TBC1D4: variants seen among roughly 807,000 people sequenced by gnomAD.
TBC1D4 encodes the protein TBC1 domain family member 4, also known as TBC (Tre-2, BUB2, CDC16) domain-containing protein.
Under a neutral mutation model 142.5 loss-of-function variants are expected in TBC1D4, and 121 were observed. The observed-to-expected ratio is 0.85, with a 90% confidence interval of 0.73 to 0.99. The LOEUF (loss-of-function observed/expected upper bound fraction) is 0.99, where lower values mean the gene tolerates loss of function less well. Among genes scored for constraint, TBC1D4 ranks in the 50% least tolerant of loss-of-function variants. The pLI is 0.00. For missense variants in TBC1D4, 1,475 were observed against 1,606.6 expected, an observed-to-expected ratio of 0.92 and a Z score of 1.40; for synonymous variants, 630 against 628.2, an observed-to-expected ratio of 1.00 and a Z score of -0.04.
At chr13:75,319,545 C>A (rs141875122) in intron 12 of TBC1D4, among the ~76,000 whole-genome samples, 20 of 152,142 alleles carry the variant, frequency 1.3e-4, no homozygotes, top group Non-Finnish European at 2.9e-5. Context: ...AAGTGACCAA[C>A]GTGACAGGAA....
intron 1 of TBC1D4, among the ~76,000 whole-genome samples, chr13:75,381,423 T>C (rs1883840881): frequency 6.6e-6 from 1 of 152,232 alleles, no homozygotes; most frequent in African/African-American, 2.4e-5. Flanking sequence ...GGGTAATATA[T>C]TTGCCTATAT....
intron 17 of TBC1D4, among the ~76,000 whole-genome samples, chr13:75,297,574 G>A (rs1593873902): frequency 6.6e-6 from 1 of 152,056 alleles, no homozygotes; most frequent in Admixed American, 6.6e-5. Context: ...GCCCAACACA[G>A]TGAAACCCCA....
rs531751051 is a variant in TBC1D4, at chr13:75,415,485, C to G, written c.499-52878G>C. ...AGTACTTCAATCTCAGCATTGTTCA[C>G]TTTAATAATTTACACTCTACTTGGG... On this transcript the variant is annotated intron_variant, in intron 1 of 20. Transcript: ENST00000377636. 9.8e-5 allele frequency among the ~76,000 whole-genome samples: 15 copies of G among 152,314 alleles called. No individual in the cohort carries two copies. In the East Asian group the frequency reaches 2.3e-3, roughly 23 times the overall value.
At chr13:75,442,537 C>G (rs1376643115) in intron 1 of TBC1D4, among the ~76,000 whole-genome samples, 1 of 151,902 alleles carries the variant, frequency 6.6e-6, no homozygotes, top group Non-Finnish European at 1.5e-5. Context: ...AAAAAACATT[C>G]TGGGAGGCCG....
At chr13:75,308,155 G>C (rs1355778543) in intron 14 of TBC1D4, among the ~76,000 whole-genome samples, 1 of 152,160 alleles carries the variant, frequency 6.6e-6, no homozygotes, top group Non-Finnish European at 1.5e-5. Flanking sequence ...CCATTGGTTA[G>C]AATTTTCATA....
chr13:75,305,660 T>A (rs1269775588), intron 15 of TBC1D4, among the ~76,000 whole-genome samples: 1 of 152,232 alleles, frequency 6.6e-6, no homozygotes, highest in Non-Finnish European at 1.5e-5. Context: ...TTTGGAATTT[T>A]TATTTTACAC....
At chr13:75,307,250 C>T (rs752834749) in intron 14 of TBC1D4, among the ~76,000 whole-genome samples, 8 of 152,346 alleles carry the variant, frequency 5.3e-5, no homozygotes, top group South Asian at 4.1e-4. Flanking sequence ...GTGTGAGCCA[C>T]TGCACCCAGC....
intron 17 of TBC1D4, 127 bp downstream of exon 17, chr13:75,299,203 C>G: frequency 1.3e-6 from 2 of 1,515,280 alleles, no homozygotes; most frequent in South Asian, 2.4e-5. Context: ...AAACATGCCC[C>G]AATCTTTACC....
At chr13:75,314,209 T>C (rs999128151) in intron 12 of TBC1D4, among the ~76,000 whole-genome samples, 9 of 152,322 alleles carry the variant, frequency 5.9e-5, no homozygotes, top group African/African-American at 1.9e-4. Flanking sequence ...TTTTTAAGTT[T>C]CACAGTCTGA....
chr13:75,409,132 T>C (rs1296518212), intron 1 of TBC1D4, among the ~76,000 whole-genome samples: 1 of 152,154 alleles, frequency 6.6e-6, no homozygotes, highest in East Asian at 1.9e-4. Context: ...AGAAACCTTT[T>C]GTTTAAACTT....
intron 1 of TBC1D4, among the ~76,000 whole-genome samples, chr13:75,450,549 A>G (rs185841637): frequency 3.0e-4 from 46 of 152,326 alleles, no homozygotes; most frequent in Admixed American, 2.9e-3. Flanking sequence ...TTATAAGTGT[A>G]TAACACTGTG....
At chr13:75,289,199 C>A (rs1875007868) in intron 19 of TBC1D4, 89 bp from the exon 20 acceptor site, 2 of 1,482,756 alleles carry the variant, frequency 1.3e-6, no homozygotes, top group Non-Finnish European at 9.3e-7. Flanking sequence ...ATGTATATTT[C>A]CAAATACTTA....
chr13:75,304,900 G>C (rs1043065560), intron 15 of TBC1D4, among the ~76,000 whole-genome samples: 1 of 152,278 alleles, frequency 6.6e-6, no homozygotes, highest in East Asian at 1.9e-4. Context: ...ACAAGGTAAG[G>C]AGAGATAACA....
At chr13:75,403,728 T>C (rs944899996) in intron 1 of TBC1D4, among the ~76,000 whole-genome samples, 3 of 152,232 alleles carry the variant, frequency 2.0e-5, no homozygotes, top group African/African-American at 7.2e-5. Flanking sequence ...TTAAGTCCAA[T>C]TTCCCATCTC....
chr13:75,470,435 C>A (rs1000757564), intron 1 of TBC1D4, among the ~76,000 whole-genome samples: 11 of 152,240 alleles, frequency 7.2e-5, no homozygotes, highest in African/African-American at 2.4e-4. Flanking sequence ...ATTTAAGATA[C>A]CACCCTAGAC....
intron 1 of TBC1D4, among the ~76,000 whole-genome samples, chr13:75,406,657 T>C (rs140609886): frequency 1.3e-3 from 199 of 152,296 alleles, no homozygotes; most frequent in African/African-American, 4.6e-3. Context: ...TTCTATTTAC[T>C]AACATTTTAC....
At chr13:75,319,793 T>C (rs1191244183) in intron 12 of TBC1D4, among the ~76,000 whole-genome samples, 1 of 152,150 alleles carries the variant, frequency 6.6e-6, no homozygotes, top group Admixed American at 6.5e-5. Flanking sequence ...TGGAATAGAG[T>C]AGAAACAGGA....
intron 1 of TBC1D4, among the ~76,000 whole-genome samples, chr13:75,446,679 C>T (rs899326689): frequency 6.6e-6 from 1 of 152,198 alleles, no homozygotes; most frequent in Non-Finnish European, 1.5e-5. Context: ...TCAATTGGGA[C>T]TTGATGTGAC....
chr13:75,385,336 G>C (rs965309115), intron 1 of TBC1D4, among the ~76,000 whole-genome samples: 1 of 152,098 alleles, frequency 6.6e-6, no homozygotes, highest in African/African-American at 2.4e-5. Flanking sequence ...CACGCAAAAC[G>C]TTTGTGAAGT....
Sources: allele counts gnomAD v4.1 joint callset (sites outside exome capture counted in the v4.1 genomes callset), GRCh38; gene constraint gnomAD v4.1.1; transcripts MANE v1.5; gene names NCBI Gene and HGNC (gene_info 2026-07-23, HGNC 2026-07-21).